INPP5D: variants seen among roughly 807,000 people sequenced by gnomAD.
The protein encoded by INPP5D is phosphatidylinositol 3,4,5-trisphosphate 5-phosphatase 1.
A neutral mutation model predicts 122.9 loss-of-function variants in INPP5D; 33 were observed. That is an observed-to-expected ratio of 0.27 (90% CI 0.20 to 0.36). The LOEUF (loss-of-function observed/expected upper bound fraction) is 0.36. Ranked by LOEUF, INPP5D falls within the 10% of genes least tolerant of loss-of-function variation. INPP5D has a pLI of 1.00. For synonymous variants in INPP5D, 584 were observed against 576.2 expected (o/e 1.01, Z -0.19); for missense variants, 1,053 against 1,412.7 (o/e 0.75, Z 4.08).
intron 1 of INPP5D, among the ~76,000 whole-genome samples, chr2:233,064,277 G>A (rs1691152100): frequency 1.3e-5 from 2 of 152,266 alleles, no homozygotes; most frequent in South Asian, 4.1e-4. Flanking sequence ...AAGGCACGTG[G>A]CTGCCTTTGG....
rs1695006784 is a variant in INPP5D at position 233,189,857 on chromosome 2, C to G, written c.2366C>G (p.Pro789Arg). The G allele has an allele frequency of 6.2e-7, 1 of 1,613,310 alleles. No homozygotes were observed. The highest frequency in any genetic ancestry group is 8.5e-7 in the Non-Finnish European group (1 of 1,179,532). Residue 789 changes from proline (P) to arginine (R), a missense_variant, in exon 22 of 27, where the codon CCC becomes CGC. Physicochemically the swap from Pro to Arg is moderately radical, Grantham distance 103. Transcript: ENST00000445964. This position sits in a 1 kb window ranked among gnomAD's most constrained non-coding sequence, Gnocchi z 5.6. ...KFGETLPKLK[P>R]IISDPEYLLD... Reference sequence around the variant, plus strand: ...GTGCCCTTCTCTCTGCAGCTGAAGCCCATTATCTCTGACCCTGAGTACCTG... The same window carrying G: ...GTGCCCTTCTCTCTGCAGCTGAAGCGCATTATCTCTGACCCTGAGTACCTG...
chr2:233,144,582 T>C (rs1457511716), intron 6 of INPP5D, among the ~76,000 whole-genome samples: 1 of 149,260 alleles, frequency 6.7e-6, no homozygotes, highest in Non-Finnish European at 1.5e-5. Flanking sequence ...GTAGTGATGG[T>C]GATGGTGAGG....
intron 11 of INPP5D, among the ~76,000 whole-genome samples, chr2:233,162,780 G>A (rs1328949012): frequency 6.6e-6 from 1 of 152,224 alleles, no homozygotes; most frequent in Non-Finnish European, 1.5e-5. Flanking sequence ...GTGTCCCAGG[G>A]CCACAGCAGC....
At position 233,060,440 on chromosome 2, in the gene INPP5D, G is replaced by A. The variant is rs1159656617; in HGVS notation, c.-39G>A. Reference sequence around the variant, plus strand: ...CCCCTCGGTGGTGTGTGGGTCCTGGGGGTGCCTGCCGGCCCGGCCGAGGAG... The same window carrying A: ...CCCCTCGGTGGTGTGTGGGTCCTGGAGGTGCCTGCCGGCCCGGCCGAGGAG... On this transcript the variant is annotated 5_prime_UTR_variant, in exon 1 of 27. Transcript: ENST00000445964. 9 of 1,557,790 alleles carry A rather than the reference G, an allele frequency of 5.8e-6. No homozygotes were observed. Among genetic ancestry groups the A allele is most frequent in the Admixed American group, 1.9e-5 (1 of 52,088 alleles).
intron 9 of INPP5D, among the ~76,000 whole-genome samples, chr2:233,148,256 AG>A (rs1693821465): frequency 6.6e-6 from 1 of 152,252 alleles, no homozygotes. Flanking sequence ...TAGCCGATAG[AG>A]ACTCAAATAC....
intron 25 of INPP5D, among the ~76,000 whole-genome samples, chr2:233,200,330 A>C (rs956704113): frequency 6.6e-6 from 1 of 152,266 alleles, no homozygotes; most frequent in Non-Finnish European, 1.5e-5. Flanking sequence ...GATGACAGAC[A>C]GACGTGAAAG....
At chr2:233,090,094 G>A (rs1440157033) in intron 2 of INPP5D, among the ~76,000 whole-genome samples, 2 of 152,226 alleles carry the variant, frequency 1.3e-5, no homozygotes, top group Admixed American at 6.5e-5. Flanking sequence ...TCAGTCGCCC[G>A]AGTGTCTGCC....
chr2:233,122,347 T>A, intron 3 of INPP5D, 90 bp downstream of exon 3: 3 of 1,355,500 alleles, frequency 2.2e-6, no homozygotes, highest in Admixed American at 4.5e-5. Flanking sequence ...TGAGTCCTAT[T>A]ATCAGAGGGA....
At chr2:233,144,524 ATGGTGAGGGTGGAGGTGGTGG>A (rs1693702353) in intron 6 of INPP5D, among the ~76,000 whole-genome samples, 1 of 73,554 alleles carries the variant, frequency 1.4e-5, no homozygotes, top group African/African-American at 5.7e-5. Context: ...GGTGATGGTG[ATGGTGAGGGTGGAGGTGGTGG>A]TGGTGATGGT....
chr2:233,205,040 C>A, intron 26 of INPP5D: 1 of 325,668 alleles, frequency 3.1e-6, no homozygotes, highest in Non-Finnish European at 5.5e-6. Context: ...GAAGAAGATT[C>A]CATAAAGAAA....
In INPP5D at chr2:233,157,685, TG is replaced by T. The variant is rs1694089896; in HGVS notation, c.1031-626del. 2.0e-5 allele frequency among the ~76,000 whole-genome samples: 3 copies of T among 151,986 alleles called. No homozygotes were observed. The South Asian group carries it at 6.2e-4, about 32-fold the overall frequency. The stretch of plus-strand genomic sequence containing the variant: ...GAAATTTCAACCTCATCTTCCATAG[TG>T]GACAGTCAAAAATGTAATAGGACAT... On this transcript the variant is annotated intron_variant, in intron 9 of 26. Coordinates refer to ENST00000445964, the MANE Select transcript of INPP5D (RefSeq NM_001017915.3).
chr2:233,112,917 C>G (rs1302298375), intron 2 of INPP5D, among the ~76,000 whole-genome samples: 2 of 152,108 alleles, frequency 1.3e-5, no homozygotes, highest in Non-Finnish European at 2.9e-5. Flanking sequence ...CTCGGTTTCC[C>G]AAAGTGCTGG....
At chr2:233,090,119 AG>A (rs1210194077) in intron 2 of INPP5D, among the ~76,000 whole-genome samples, 1 of 152,244 alleles carries the variant, frequency 6.6e-6, no homozygotes, top group African/African-American at 2.4e-5. Flanking sequence ...GGCACAGGAC[AG>A]AGGATGCGTC....
At chr2:233,066,391 A>G (rs1691227646) in intron 1 of INPP5D, among the ~76,000 whole-genome samples, 1 of 152,170 alleles carries the variant, frequency 6.6e-6, no homozygotes, top group Non-Finnish European at 1.5e-5. Context: ...TCTTCCCTCA[A>G]TAATTCGTGC....
At chr2:233,198,482 T>C in intron 25 of INPP5D, 106 bp downstream of exon 25, 2 of 1,452,418 alleles carry the variant, frequency 1.4e-6, no homozygotes. Context: ...ACAATTTGTG[T>C]CCACTTGGCT....
At chr2:233,074,532 G>C (rs572872942) in intron 1 of INPP5D, among the ~76,000 whole-genome samples, 1 of 152,110 alleles carries the variant, frequency 6.6e-6, no homozygotes, top group Non-Finnish European at 1.5e-5. Context: ...ATTCTTCAAG[G>C]TTTGGAGTGG....
At chr2:233,123,303 AATT>A (rs938771117) in intron 3 of INPP5D, among the ~76,000 whole-genome samples, 5 of 152,058 alleles carry the variant, frequency 3.3e-5, no homozygotes, top group African/African-American at 7.2e-5. Context: ...AAAATACAAA[AATT>A]AGCCAGGTGT....
At chr2:233,061,565 G>C (rs1336028803) in intron 1 of INPP5D, among the ~76,000 whole-genome samples, 2 of 152,150 alleles carry the variant, frequency 1.3e-5, no homozygotes, top group Admixed American at 6.5e-5. Flanking sequence ...AGGGCCTTGT[G>C]CTTCTCCAGG....
intron 9 of INPP5D, among the ~76,000 whole-genome samples, chr2:233,148,737 T>A (rs1693841524): frequency 6.6e-6 from 1 of 151,944 alleles, no homozygotes; most frequent in South Asian, 2.1e-4. Flanking sequence ...CCGAGAAACC[T>A]GATCAATGCG....
Sources: gnomAD v4.1 joint callset for allele counts (sites outside exome capture counted in the v4.1 genomes callset) on GRCh38, gnomAD v4.1.1 for gene constraint, Gnocchi (gnomAD v3.1) non-coding constraint, MANE v1.5 for transcripts, NCBI Gene and HGNC (gene_info 2026-07-23, HGNC 2026-07-21) for gene names.